KCNQ3: variants seen among roughly 807,000 people sequenced by gnomAD.
KCNQ3 encodes the protein potassium voltage-gated channel subfamily Q member 3.
In KCNQ3, 30 loss-of-function variants were observed where a neutral mutation model predicts 92.5. The observed-to-expected ratio is 0.32, with a 90% CI of 0.24 to 0.44. KCNQ3 has a LOEUF of 0.44. Among genes scored for constraint, KCNQ3 ranks in the 20% least tolerant of loss-of-function variants. The pLI is 1.00. For synonymous variants in KCNQ3, 450 were observed against 468.8 expected, an observed-to-expected ratio of 0.96 and a Z score of 0.52; for missense variants, 913 against 1,140.3, an observed-to-expected ratio of 0.80 and a Z score of 2.87.
intron 1 of KCNQ3, among the ~76,000 whole-genome samples, chr8:132,371,733 T>C (rs988155358): frequency 1.3e-5 from 2 of 152,194 alleles, no homozygotes; most frequent in Middle Eastern, 3.2e-3. Flanking sequence ...GCTTTATCCC[T>C]TTAAGAGTCA....
chr8:132,319,238 A>G (rs1015280852), intron 1 of KCNQ3, among the ~76,000 whole-genome samples: 12 of 152,144 alleles, frequency 7.9e-5, no homozygotes, highest in Non-Finnish European at 1.5e-4. Context: ...TTTTGGGGGC[A>G]AACTGAGGCT....
intron 1 of KCNQ3, among the ~76,000 whole-genome samples, chr8:132,288,638 C>T (rs573568086): frequency 6.6e-6 from 1 of 152,304 alleles, no homozygotes; most frequent in South Asian, 2.1e-4. Context: ...CTTCTCTACT[C>T]CCAAAGCCAT....
At position 132,164,175 on chromosome 8, in the gene KCNQ3, C is replaced by T. The variant is rs146779696; in HGVS notation, c.1236-681G>A. Among the ~76,000 whole-genome samples the T allele has an allele frequency of 4.1e-3, 616 of 152,094 alleles. 8 individuals are homozygous for T. The highest frequency in any genetic ancestry group is 0.014 in the African/African-American group (573 of 41,484). On this transcript the variant is annotated intron_variant, in intron 8 of 14. Coordinates refer to ENST00000388996, the MANE Select transcript of KCNQ3 (RefSeq NM_004519.4). ...TGCCTGGAACTCCCTTCCTCTTTTC[C>T]CTGCTTGGAACAGTCCTACTCATCC...
At chr8:132,300,615 G>A (rs1289243107) in intron 1 of KCNQ3, among the ~76,000 whole-genome samples, 1 of 152,174 alleles carries the variant, frequency 6.6e-6, no homozygotes, top group Non-Finnish European at 1.5e-5. Flanking sequence ...AGGAGGGTGT[G>A]TCTCATGCCC....
chr8:132,413,687 C>T (rs937253278), intron 1 of KCNQ3, among the ~76,000 whole-genome samples: 1 of 152,194 alleles, frequency 6.6e-6, no homozygotes, highest in African/African-American at 2.4e-5. Flanking sequence ...GTCAAGGACA[C>T]CGCAAGATGG....
chr8:132,254,202 G>A (rs762020336), intron 1 of KCNQ3, among the ~76,000 whole-genome samples: 1 of 152,214 alleles, frequency 6.6e-6, no homozygotes, highest in Non-Finnish European at 1.5e-5. Flanking sequence ...GCTTTAGGAA[G>A]AGGTAGGAGG....
At chr8:132,168,633 T>G (rs942490330) in intron 8 of KCNQ3, among the ~76,000 whole-genome samples, 9 of 151,948 alleles carry the variant, frequency 5.9e-5, no homozygotes, top group African/African-American at 2.2e-4. Context: ...ACTGGAAGGT[T>G]TTATGCCGGA....
chr8:132,206,190 C>A (rs1813651181), intron 1 of KCNQ3, among the ~76,000 whole-genome samples: 1 of 152,186 alleles, frequency 6.6e-6, no homozygotes, highest in Non-Finnish European at 1.5e-5. Context: ...AGAGCACCTG[C>A]TCTGGGTCAT....
intron 1 of KCNQ3, among the ~76,000 whole-genome samples, chr8:132,240,250 G>A (rs544424020): frequency 1.2e-4 from 17 of 142,494 alleles, no homozygotes; most frequent in African/African-American, 3.6e-4. Context: ...GCAATGGCAC[G>A]ATCTCAGCTC....
intron 1 of KCNQ3, among the ~76,000 whole-genome samples, chr8:132,280,228 G>A (rs566953324): frequency 6.6e-6 from 1 of 152,248 alleles, no homozygotes; most frequent in African/African-American, 2.4e-5. Flanking sequence ...TTTAACTTGG[G>A]TGGTTATATT....
chr8:132,330,608 C>G (rs1818201256), intron 1 of KCNQ3, among the ~76,000 whole-genome samples: 1 of 152,172 alleles, frequency 6.6e-6, no homozygotes, highest in Admixed American at 6.5e-5. Flanking sequence ...CACCCGTGTC[C>G]TCCAAATGCA....
At chr8:132,305,968 G>A (rs1356245075) in intron 1 of KCNQ3, among the ~76,000 whole-genome samples, 1 of 151,892 alleles carries the variant, frequency 6.6e-6, no homozygotes, top group African/African-American at 2.4e-5. Context: ...ATTATTTATT[G>A]TCAAGCAGTG....
At chr8:132,211,395 T>C (rs1813847698) in intron 1 of KCNQ3, among the ~76,000 whole-genome samples, 3 of 152,216 alleles carry the variant, frequency 2.0e-5, no homozygotes, top group Admixed American at 2.0e-4. Flanking sequence ...AAAATAATTC[T>C]TGCCTTTAGA....
intron 1 of KCNQ3, among the ~76,000 whole-genome samples, chr8:132,416,485 T>G (rs764191466): frequency 6.6e-6 from 1 of 152,058 alleles, no homozygotes; most frequent in Non-Finnish European, 1.5e-5. Flanking sequence ...CCAGACATGA[T>G]GGCGGGCACC....
At chr8:132,242,017 A>G (rs1294213017) in intron 1 of KCNQ3, among the ~76,000 whole-genome samples, 2 of 100,494 alleles carry the variant, frequency 2.0e-5, no homozygotes, top group Non-Finnish European at 4.7e-5. Context: ...TTGCTTAGGA[A>G]CTTATTCCTC....
At chr8:132,352,066 CAATT>C (rs1818886838) in intron 1 of KCNQ3, among the ~76,000 whole-genome samples, 2 of 152,124 alleles carry the variant, frequency 1.3e-5, no homozygotes, top group Non-Finnish European at 2.9e-5. Flanking sequence ...TGAATTAACT[CAATT>C]AATCCTAATA....
intron 1 of KCNQ3, among the ~76,000 whole-genome samples, chr8:132,201,819 CAT>C (rs1409388837): frequency 3.3e-5 from 5 of 152,160 alleles, no homozygotes; most frequent in Non-Finnish European, 7.3e-5. Context: ...TGCCTACTCT[CAT>C]GACTTCACTG....
chr8:132,168,631 GT>G (rs1263724159), intron 8 of KCNQ3, among the ~76,000 whole-genome samples: 11 of 151,930 alleles, frequency 7.2e-5, no homozygotes, highest in African/African-American at 2.7e-4. Flanking sequence ...TGACTGGAAG[GT>G]TTTATGCCGG....
At position 132,275,387 on chromosome 8, in the gene KCNQ3, C is replaced by T. The variant is rs1045252990; in HGVS notation, c.387-89206G>A. On this transcript the variant is annotated intron_variant, in intron 1 of 14. Transcript: ENST00000388996. ...AGAAGCAAACTCAATGAATTTATTG[C>T]ATGATCCCTTGAAGAGAAAAAGAAA... Among the ~76,000 whole-genome samples the T allele has an allele frequency of 5.9e-5, 9 of 152,186 alleles. No individual in the cohort carries two copies. The East Asian group carries it at 1.7e-3, about 29-fold the overall frequency.
Sources: allele counts gnomAD v4.1 joint callset (sites outside exome capture counted in the v4.1 genomes callset), GRCh38; gene constraint gnomAD v4.1.1; transcripts MANE v1.5; gene names NCBI Gene and HGNC (gene_info 2026-07-23, HGNC 2026-07-21).